The following NOP10 variants were observed in gnomAD, a reference collection of about 807,000 sequenced individuals.
NOP10 encodes the protein H/ACA ribonucleoprotein complex subunit 3.
A neutral mutation model predicts 9.5 loss-of-function variants in NOP10; 6 were observed. That is an observed-to-expected ratio of 0.63 (90% CI 0.35 to 1.25). The LOEUF (loss-of-function observed/expected upper bound fraction) is 1.25. NOP10 is among the 50% of genes most tolerant of loss of function. NOP10 has a pLI of 0.03. For missense variants in NOP10, 75 were observed against 81.3 expected, an observed-to-expected ratio of 0.92 and a Z score of 0.30; for synonymous variants, 28 against 30.7, an observed-to-expected ratio of 0.91 and a Z score of 0.29.
Position 34,342,604 on chromosome 15 carries a change from T to C in NOP10, c.54+416A>G, listed in dbSNP as rs953492876. On this transcript the variant is annotated intron_variant, in intron 1 of 1. Coordinates refer to ENST00000328848, the MANE Select transcript of NOP10 (RefSeq NM_018648.4). ...AAAAAAAAAGGAAAAGTGAGTGCAA[T>C]GGCGCTATCCCGGCTCACTGCAACC... Among the ~76,000 whole-genome samples the C allele has an allele frequency of 2.8e-5, 4 of 142,970 alleles. No individual in the cohort carries two copies. The South Asian group carries it at 7.1e-4, about 25-fold the overall frequency. The allele number at this position is 142,970 out of a possible 152,430, so 93.8% of individuals were successfully genotyped here. A position where few individuals can be genotyped will look rare whatever the true frequency, so the allele number is the denominator to read the frequency against.
chr15:34,342,021 T>C lies in NOP10; in HGVS notation c.142A>G (p.Ile48Val). 6.2e-7 allele frequency: 1 copy of C among 1,614,136 alleles called. No homozygotes were observed. Among genetic ancestry groups the C allele is most frequent in the Non-Finnish European group, 8.5e-7 (1 of 1,180,006 alleles). ...ATGAGCACCTTGAAGCGTTTCTTGA[T>C]GGTGATTCGGTGTCGAGAGTATTTG... ...DDKYSRHRITIKKRFKVLMTQ... is the reference protein window; with the variant it reads ...DDKYSRHRITVKKRFKVLMTQ... Residue 48 changes from isoleucine (I) to valine (V), a missense_variant, in exon 2 of 2, where the codon ATC becomes GTC. Physicochemically the swap from Ile to Val is conservative, Grantham distance 29. Coordinates refer to ENST00000328848, the MANE Select transcript of NOP10 (RefSeq NM_018648.4).
Position 34,342,153 on chromosome 15 carries a change from AT to A in NOP10, c.55-46del, listed in dbSNP as rs755285947. On this transcript the variant is annotated intron_variant, in intron 1 of 1. Transcript: ENST00000328848. Reference sequence around the variant, plus strand: ...TGTATGTCAGTACAGGAGTGATGAAATGGGGTGGGGCCAGCGCGAAAAAGGG... The same window carrying A: ...TGTATGTCAGTACAGGAGTGATGAAAGGGGTGGGGCCAGCGCGAAAAAGGG... The A allele has an allele frequency of 1.1e-5, 17 of 1,596,160 alleles. 1 individual carries two copies. In the South Asian group the frequency reaches 1.7e-4, roughly 16 times the overall value.
chr15:34,342,451 C>G (rs1047078795), intron 1 of NOP10, among the ~76,000 whole-genome samples: 7 of 148,766 alleles, frequency 4.7e-5, no homozygotes, highest in Non-Finnish European at 1.0e-4. Context: ...GTAGTCCCAA[C>G]TACTCGGGAG....
Position 34,343,063 on chromosome 15 carries a change from T to G in NOP10, c.11A>C (p.Gln4Pro). 1.9e-6 allele frequency: 3 copies of G among 1,614,196 alleles called. No homozygotes were observed. The highest frequency in any genetic ancestry group is 1.7e-5 in the Admixed American group (1 of 60,028). MFL[Q>P]YYLNEQGDRV... ...ATCTCCCTGCTCGTTGAGGTAATACTGGAGAAACATGATCGCTTATAAGCC... is the reference window on the plus strand; with the variant it reads ...ATCTCCCTGCTCGTTGAGGTAATACGGGAGAAACATGATCGCTTATAAGCC... Residue 4 changes from glutamine to proline, a missense_variant, in exon 1 of 2, where the codon CAG becomes CCG. Gln to Pro is a moderately conservative substitution (Grantham distance 76). Transcript: ENST00000328848.
At chr15:34,342,155 G>C in intron 1 of NOP10, 47 bp from the exon 2 acceptor site, 2 of 1,589,098 alleles carry the variant, frequency 1.3e-6, no homozygotes, top group Non-Finnish European at 8.6e-7. Context: ...GTGATGAAAT[G>C]GGGTGGGGCC....
Position 34,342,114 on chromosome 15 carries a change from C to T in NOP10, c.55-6G>A, listed in dbSNP as rs1439269427. The T allele has an allele frequency of 6.2e-7, 1 of 1,613,864 alleles. No individual in the cohort carries two copies. Among genetic ancestry groups the T allele is most frequent in the Non-Finnish European group, 8.5e-7 (1 of 1,179,916 alleles). The stretch of plus-strand genomic sequence containing the variant: ...TGTCCCATCGGGTCAAATTTCTGCT[C>T]CAGGAACACAGAATGTATGTCAGTA... On this transcript the variant is annotated splice_region_variant and splice_polypyrimidine_tract_variant and intron_variant, in intron 1 of 1. Coordinates refer to ENST00000328848, the MANE Select transcript of NOP10 (RefSeq NM_018648.4).
In NOP10 at chr15:34,343,091, C is replaced by A; in HGVS notation, c.-18G>T. 1.2e-6 allele frequency: 2 copies of A among 1,613,918 alleles called. No individual in the cohort carries two copies. Among genetic ancestry groups the A allele is most frequent in the Non-Finnish European group, 8.5e-7 (1 of 1,179,768 alleles). ...AGAAACATGATCGCTTATAAGCCAG[C>A]GGTCCCAATTCGGTCCACCGCTCAG... is the stretch of plus-strand genomic sequence containing the variant. On this transcript the variant is annotated 5_prime_UTR_variant, in exon 1 of 2. Coordinates refer to ENST00000328848, the MANE Select transcript of NOP10 (RefSeq NM_018648.4).
chr15:34,342,828 G>A (rs2615357), intron 1 of NOP10, among the ~76,000 whole-genome samples, 192 bp downstream of exon 1: 1 of 151,760 alleles, frequency 6.6e-6, no homozygotes, highest in Non-Finnish European at 1.5e-5. Flanking sequence ...ATTACAGGCG[G>A]GAGCCACTGC....
Position 34,343,010 on chromosome 15 carries a change from C to T in NOP10, c.54+10G>A. On this transcript the variant is annotated intron_variant, in intron 1 of 1. Transcript: ENST00000328848. ...GCCATGCCTATTTACACCCTGTTTTCTCTCCTCACCTTCAGCGTATAGACT... is the reference window on the plus strand; with the variant it reads ...GCCATGCCTATTTACACCCTGTTTTTTCTCCTCACCTTCAGCGTATAGACT... 1 of 1,613,172 alleles carries T rather than the reference C, an allele frequency of 6.2e-7. No individual in the cohort carries two copies. Among genetic ancestry groups the T allele is most frequent in the Non-Finnish European group, 8.5e-7 (1 of 1,179,118 alleles).
Position 34,343,003 on chromosome 15 carries a change from C to T in NOP10, c.54+17G>A, listed in dbSNP as rs759897365. 1 of 1,611,988 alleles carries T rather than the reference C, an allele frequency of 6.2e-7. No homozygotes were observed. Among genetic ancestry groups the T allele is most frequent in the South Asian group, 1.1e-5 (1 of 91,040 alleles). On this transcript the variant is annotated intron_variant, in intron 1 of 1. Transcript: ENST00000328848. Reference sequence around the variant, plus strand: ...ATTTCTCGCCATGCCTATTTACACCCTGTTTTCTCTCCTCACCTTCAGCGT... The same window carrying T: ...ATTTCTCGCCATGCCTATTTACACCTTGTTTTCTCTCCTCACCTTCAGCGT...
At position 34,341,814 on chromosome 15, in the gene NOP10, A is replaced by C. The variant is rs184964225; in HGVS notation, c.*154T>G. On this transcript the variant is annotated 3_prime_UTR_variant, in exon 2 of 2. Coordinates refer to ENST00000328848, the MANE Select transcript of NOP10 (RefSeq NM_018648.4). ...TCCCTTTATGGGTGATGCCACCATG[A>C]TTGCCTCACACAAGCATAATCAATC... 2.6e-6 allele frequency: 2 copies of C among 764,612 alleles called. No individual in the cohort carries two copies. The highest frequency in any genetic ancestry group is 1.7e-5 in the African/African-American group (1 of 58,262). 47.4% of individuals were successfully genotyped at this position (764,612 alleles called of 1,614,324 possible).
Position 34,343,014 on chromosome 15 carries a change from C to A in NOP10, c.54+6G>T. 6.2e-7 allele frequency: 1 copy of A among 1,613,604 alleles called. No homozygotes were observed. Among genetic ancestry groups the A allele is most frequent in the South Asian group, 1.1e-5 (1 of 91,080 alleles). On this transcript the variant is annotated splice_donor_region_variant and intron_variant, in intron 1 of 1. Transcript: ENST00000328848. ...TGCCTATTTACACCCTGTTTTCTCT[C>A]CTCACCTTCAGCGTATAGACTCGAT...
At chr15:34,342,165 C>T (rs1890489456) in intron 1 of NOP10, 57 bp from the exon 2 acceptor site, 1 of 1,541,968 alleles carries the variant, frequency 6.5e-7, no homozygotes, top group African/African-American at 1.4e-5. Context: ...GGGGTGGGGC[C>T]AGCGCGAAAA....
rs1045204 is a variant in NOP10, at chr15:34,341,937, G to A, written c.*31C>T. 244,646 of 1,608,932 alleles carry A rather than the reference G, an allele frequency of 0.15. 19,882 individuals carry two copies. Among genetic ancestry groups the A allele is most frequent in the East Asian group, 0.31 (13,696 of 44,782 alleles). On this transcript the variant is annotated 3_prime_UTR_variant, in exon 2 of 2. Transcript: ENST00000328848. ...TTACGGAGTCTCCGAGGGGTAACAGGTGGCAGAAAAGACATCAGTTTAAGG... is the reference window on the plus strand; with the variant it reads ...TTACGGAGTCTCCGAGGGGTAACAGATGGCAGAAAAGACATCAGTTTAAGG...
Position 34,343,085 on chromosome 15 carries a change from A to T in NOP10, c.-12T>A, listed in dbSNP as rs1890512845. On this transcript the variant is annotated 5_prime_UTR_variant, in exon 1 of 2. Transcript: ENST00000328848. ...TACTGGAGAAACATGATCGCTTATA[A>T]GCCAGCGGTCCCAATTCGGTCCACC... is the stretch of plus-strand genomic sequence containing the variant. 6.2e-7 allele frequency: 1 copy of T among 1,614,048 alleles called. No homozygotes were observed. Among genetic ancestry groups the T allele is most frequent in the African/African-American group, 1.3e-5 (1 of 74,940 alleles).
At chr15:34,342,810 G>A (rs760313229) in intron 1 of NOP10, among the ~76,000 whole-genome samples, 11 of 152,092 alleles carry the variant, frequency 7.2e-5, no homozygotes, top group Non-Finnish European at 1.3e-4. Flanking sequence ...GCCTCCCAAA[G>A]TGCTAGGATT....
rs1339729229 is a variant in NOP10, at chr15:34,342,169, G to A, written c.55-61C>T. The stretch of plus-strand genomic sequence containing the variant: ...AGTGATGAAATGGGGTGGGGCCAGC[G>A]CGAAAAAGGGCAAACATGAAAATAG... On this transcript the variant is annotated intron_variant, in intron 1 of 1. Coordinates refer to ENST00000328848, the MANE Select transcript of NOP10 (RefSeq NM_018648.4). 5.7e-6 allele frequency: 8 copies of A among 1,413,038 alleles called. No homozygotes were observed. In the South Asian group the frequency reaches 6.9e-5, roughly 12 times the overall value. 87.5% of individuals were successfully genotyped at this position (1,413,038 alleles called of 1,614,324 possible). A position where few individuals can be genotyped will look rare whatever the true frequency, so the allele number is the denominator to read the frequency against.
At chr15:34,342,213 C>A in intron 1 of NOP10, 105 bp from the exon 2 acceptor site, 1 of 1,004,774 alleles carries the variant, frequency 1.0e-6, no homozygotes, top group Non-Finnish European at 1.6e-6. Context: ...ATGGTCAACT[C>A]AAAAAGTTGT....
rs762234908 is a variant in NOP10, at chr15:34,341,735, A to T, written c.*233T>A. On this transcript the variant is annotated 3_prime_UTR_variant, in exon 2 of 2. Coordinates refer to ENST00000328848, the MANE Select transcript of NOP10 (RefSeq NM_018648.4). ...AAATAAGAGTTTTTCAAATCATTTTATCTTTAATAATCTTGTAGTAATTTA... is the reference window on the plus strand; with the variant it reads ...AAATAAGAGTTTTTCAAATCATTTTTTCTTTAATAATCTTGTAGTAATTTA... 1.8e-6 allele frequency: 1 copy of T among 546,160 alleles called. No homozygotes were observed. Among genetic ancestry groups the T allele is most frequent in the Non-Finnish European group, 3.3e-6 (1 of 303,822 alleles). 33.8% of individuals were successfully genotyped at this position (546,160 alleles called of 1,614,324 possible). A position where few individuals can be genotyped will look rare whatever the true frequency, so the allele number is the denominator to read the frequency against.
Sources: allele counts gnomAD v4.1 joint callset (sites outside exome capture counted in the v4.1 genomes callset), GRCh38; gene constraint gnomAD v4.1.1; transcripts MANE v1.5; gene names NCBI Gene and HGNC (gene_info 2026-07-23, HGNC 2026-07-21).